Variants in UBR4 observed in about 807,000 individuals in gnomAD.
The protein encoded by UBR4 is ubiquitin protein ligase E3 component n-recognin 4, also known as E3 ubiquitin-protein ligase UBR4.
UBR4 carries 124 observed loss-of-function variants against 575.6 expected under a neutral mutation model. The observed-to-expected ratio is 0.22, with a 90% CI of 0.19 to 0.25. The LOEUF (loss-of-function observed/expected upper bound fraction) is 0.25, where lower values mean the gene tolerates loss of function less well. UBR4 is among the 10% of genes least tolerant of loss of function. The pLI, the probability that UBR4 is intolerant of heterozygous loss-of-function variation, is 1.00. For synonymous variants in UBR4, 2,455 were observed against 2,473.7 expected, an observed-to-expected ratio of 0.99 and a Z score of 0.22; for missense variants, 4,818 against 6,478.8, an observed-to-expected ratio of 0.74 and a Z score of 8.80.
At chr1:19,194,594 G>A (rs998931016) in intron 8 of UBR4, among the ~76,000 whole-genome samples, 5 of 152,086 alleles carry the variant, frequency 3.3e-5, no homozygotes, top group Admixed American at 6.6e-5. Context: ...CTGAGGTCAG[G>A]AGTCTGAGAC....
chr1:19,118,424 T>TG (rs1327550714), intron 71 of UBR4: 2 of 158,540 alleles, frequency 1.3e-5, no homozygotes, highest in African/African-American at 4.9e-5. Flanking sequence ...AGACCTTTTT[T>TG]TTTTTTTTTT....
chr1:19,112,151 A>C, intron 78 of UBR4: 1 of 212,760 alleles, frequency 4.7e-6, no homozygotes, highest in Admixed American at 5.6e-5. Context: ...ACTGAAACTG[A>C]GCCTTTCCAA....
intron 44 of UBR4, among the ~76,000 whole-genome samples, chr1:19,154,359 C>T (rs756500890): frequency 2.0e-5 from 3 of 152,194 alleles, no homozygotes; most frequent in Non-Finnish European, 4.4e-5. Flanking sequence ...AGAGAAAGTG[C>T]TACAATGGGT....
intron 15 of UBR4, 76 bp downstream of exon 15, chr1:19,185,023 G>A (rs1415867791): frequency 6.4e-7 from 1 of 1,559,286 alleles, no homozygotes. Flanking sequence ...CAAAATGTTT[G>A]CATTCAAATT....
chr1:19,127,976 C>T (rs1307547099), intron 62 of UBR4, among the ~76,000 whole-genome samples: 1 of 152,168 alleles, frequency 6.6e-6, no homozygotes, highest in African/African-American at 2.4e-5. Context: ...TCACTGAGCA[C>T]AAAAGGGCCA....
At chr1:19,187,107 T>TCATATC in intron 13 of UBR4, 57 bp downstream of exon 13, 5 of 1,185,200 alleles carry the variant, frequency 4.2e-6, no homozygotes, top group Middle Eastern at 2.7e-4. Flanking sequence ...CATATATATA[T>TCATATC]CATATATATA....
At chr1:19,134,243 G>C (rs1400769830) in intron 60 of UBR4, among the ~76,000 whole-genome samples, 1 of 151,578 alleles carries the variant, frequency 6.6e-6, no homozygotes, top group Non-Finnish European at 1.5e-5. Flanking sequence ...AACAGAGTGA[G>C]ACTCTGTCTC....
intron 93 of UBR4, 95 bp downstream of exon 93, chr1:19,095,450 C>T (rs915837325): frequency 1.6e-5 from 19 of 1,183,718 alleles, no homozygotes; most frequent in East Asian, 7.1e-5. Flanking sequence ...TTGAAGAAGC[C>T]GTGAGTCCAT....
At chr1:19,169,779 T>C (rs1375159092) in intron 26 of UBR4, among the ~76,000 whole-genome samples, 1 of 152,224 alleles carries the variant, frequency 6.6e-6, no homozygotes, top group African/African-American at 2.4e-5. Flanking sequence ...ATCTTGCAAG[T>C]AAAGAAGACA....
chr1:19,084,180 C>T (rs55963741), intron 102 of UBR4, among the ~76,000 whole-genome samples: 5 of 152,258 alleles, frequency 3.3e-5, no homozygotes, highest in African/African-American at 1.2e-4. Context: ...GAAGTAGCCG[C>T]TGCATCGAAG....
At chr1:19,097,027 A>G (rs1006595751) in intron 91 of UBR4, among the ~76,000 whole-genome samples, 166 bp downstream of exon 91, 3 of 150,134 alleles carry the variant, frequency 2.0e-5, no homozygotes, top group Admixed American at 6.7e-5. Flanking sequence ...TGGTATCTGC[A>G]TCATGCCACA....
intron 59 of UBR4, 88 bp downstream of exon 59, chr1:19,138,995 A>G (rs2083513703): frequency 7.6e-6 from 11 of 1,453,610 alleles, no homozygotes; most frequent in Non-Finnish European, 1.0e-5. Flanking sequence ...TTTTCTTTGC[A>G]AAAACCAACC....
rs41310414 is a variant in UBR4, at chr1:19,146,801, C to G, written c.7804+25G>C. On this transcript the variant is annotated intron_variant, in intron 52 of 105. Transcript: ENST00000375254. ...TAGGCATATGAAGCAGATCTCAGGA[C>G]CACGGCCACAGAGGCCAAGTTCACC... is the stretch of plus-strand genomic sequence containing the variant. 7 of 1,602,902 alleles carry G rather than the reference C, an allele frequency of 4.4e-6. No individual in the cohort carries two copies. The Admixed American group carries it at 1.2e-4, about 27-fold the overall frequency.
chr1:19,192,440 C>A, intron 10 of UBR4, 41 bp downstream of exon 10: 6 of 1,614,110 alleles, frequency 3.7e-6, no homozygotes, highest in Non-Finnish European at 5.1e-6. Flanking sequence ...TCAGAGAGGA[C>A]AAGATAGGAA....
At chr1:19,075,190 G>A in intron 105 of UBR4, 1 of 407,160 alleles carries the variant, frequency 2.5e-6, no homozygotes, top group Non-Finnish European at 4.6e-6. Flanking sequence ...GTAATAAAGT[G>A]GTGCTGTCAA....
rs1343367613 is a variant in UBR4 at position 19,157,682 on chromosome 1, T to C, written c.5760+133A>G. On this transcript the variant is annotated intron_variant, in intron 40 of 105. Coordinates refer to ENST00000375254, the MANE Select transcript of UBR4 (RefSeq NM_020765.3). This position sits in a 1 kb window ranked among gnomAD's most constrained non-coding sequence, Gnocchi z 4.4. ...TATTTGAAAAGCTCAACAAGATCTGTCCCTGAAGCATTCTTAGAACGCAGT... is the reference window on the plus strand; with the variant it reads ...TATTTGAAAAGCTCAACAAGATCTGCCCCTGAAGCATTCTTAGAACGCAGT... The C allele has an allele frequency of 1.7e-6, 2 of 1,151,206 alleles. No individual in the cohort carries two copies. Among genetic ancestry groups the C allele is most frequent in the Non-Finnish European group, 2.4e-6 (2 of 826,334 alleles). 71.3% of individuals were successfully genotyped at this position (1,151,206 alleles called of 1,614,324 possible).
chr1:19,114,592 A>G (rs1019541259), intron 75 of UBR4, among the ~76,000 whole-genome samples: 1 of 152,254 alleles, frequency 6.6e-6, no homozygotes, highest in Non-Finnish European at 1.5e-5. Flanking sequence ...CTCTAGTTTC[A>G]TTACCAATCA....
intron 60 of UBR4, among the ~76,000 whole-genome samples, chr1:19,134,013 G>A (rs1184763081): frequency 6.9e-6 from 1 of 144,982 alleles, no homozygotes; most frequent in Non-Finnish European, 1.5e-5. Context: ...TTGAACCTGG[G>A]AACTGGAGAT....
At chr1:19,207,886 T>C (rs1328980387) in intron 1 of UBR4, among the ~76,000 whole-genome samples, 2 of 152,220 alleles carry the variant, frequency 1.3e-5, no homozygotes, top group African/African-American at 4.8e-5. Flanking sequence ...TTCATTTATA[T>C]ATGGTGTGTG....
Sources: gnomAD v4.1 joint callset for allele counts (sites outside exome capture counted in the v4.1 genomes callset) on GRCh38, gnomAD v4.1.1 for gene constraint, Gnocchi (gnomAD v3.1) non-coding constraint, MANE v1.5 for transcripts, NCBI Gene and HGNC (gene_info 2026-07-23, HGNC 2026-07-21) for gene names.